CD8B2: variants seen among roughly 807,000 people sequenced by gnomAD.
The protein encoded by CD8B2 is T-cell surface glycoprotein CD8 beta-2 chain.
Under a neutral mutation model 23.7 loss-of-function variants are expected in CD8B2, and 11 were observed. The ratio of observed to expected loss-of-function variants is 0.46; its 90% CI spans 0.29 to 0.77. CD8B2 has a LOEUF of 0.77. Among genes scored for constraint, CD8B2 ranks in the 30% least tolerant of loss-of-function variants. The pLI is 0.09. For synonymous variants in CD8B2, 90 were observed against 109.3 expected (o/e 0.82, Z 1.10); for missense variants, 197 against 270.5 (o/e 0.73, Z 1.91).
chr2:106,500,521 AAAAT>A (rs61641919), intron 3 of CD8B2, among the ~76,000 whole-genome samples: 2,409 of 141,794 alleles, frequency 0.017, 1 homozygote, highest in African/African-American at 0.028. Flanking sequence ...CTCCGTCTCA[AAAAT>A]AAATAAATAA....
At chr2:106,504,496 G>A (rs1337389969) in intron 5 of CD8B2, among the ~76,000 whole-genome samples, 171 bp downstream of exon 5, 1 of 152,254 alleles carries the variant, frequency 6.6e-6, no homozygotes, top group African/African-American at 2.4e-5. Flanking sequence ...TGAAGCAGGA[G>A]GATCACTTGA....
At chr2:106,505,398 C>G (rs1195267945) in intron 5 of CD8B2, among the ~76,000 whole-genome samples, 1 of 152,014 alleles carries the variant, frequency 6.6e-6, no homozygotes, top group East Asian at 1.9e-4. Flanking sequence ...TGACAGCCAG[C>G]AAGTCACTTC....
chr2:106,520,809 G>T (rs887829597), intron 5 of CD8B2, among the ~76,000 whole-genome samples: 3 of 152,146 alleles, frequency 2.0e-5, no homozygotes, highest in African/African-American at 7.2e-5. Flanking sequence ...GGTGGAGGTT[G>T]CAGTGAGCCG....
At chr2:106,517,194 C>T (rs1312763149) in intron 5 of CD8B2, among the ~76,000 whole-genome samples, 1 of 151,950 alleles carries the variant, frequency 6.6e-6, no homozygotes. Context: ...GCTTGCTTCA[C>T]TGATCCTGGG....
intron 5 of CD8B2, among the ~76,000 whole-genome samples, chr2:106,538,599 C>T (rs1363709207): frequency 6.6e-6 from 1 of 152,144 alleles, no homozygotes; most frequent in Non-Finnish European, 1.5e-5. Context: ...GAGCAGTGTC[C>T]TGAGTAGGAA....
At chr2:106,538,662 A>G (rs954006225) in intron 5 of CD8B2, among the ~76,000 whole-genome samples, 1 of 152,096 alleles carries the variant, frequency 6.6e-6, no homozygotes, top group Non-Finnish European at 1.5e-5. Flanking sequence ...GTTCACCTGC[A>G]TGTCACTATC....
At position 106,508,604 on chromosome 2, in the gene CD8B2, T is replaced by C. The variant is rs1231598213; in HGVS notation, c.*1664T>C. ...TGAAGTGAGAAAGCACTCCACATGG[T>C]AGGAGTGGACCCTAAGCAGATAGCC... On this transcript the variant is annotated 3_prime_UTR_variant, in exon 6 of 6. Coordinates refer to ENST00000643224, the MANE Select transcript of CD8B2 (RefSeq NM_001349727.2). The C allele has an allele frequency of 1.3e-5, 2 of 152,216 alleles. No individual in the cohort carries two copies. Among genetic ancestry groups the C allele is most frequent in the East Asian group, 1.9e-4 (1 of 5,192 alleles). The allele number at this position is 152,216 out of a possible 1,614,324, so 9.4% of individuals were successfully genotyped here.
chr2:106,489,305 A>C (rs1253311643), intron 1 of CD8B2, among the ~76,000 whole-genome samples: 9 of 151,692 alleles, frequency 5.9e-5, no homozygotes, highest in African/African-American at 2.2e-4. Flanking sequence ...ACCCGGCCCC[A>C]TCATTTCATT....
At chr2:106,518,908 TCCTCCATC>T (rs952979885) in intron 5 of CD8B2, among the ~76,000 whole-genome samples, 10 of 151,054 alleles carry the variant, frequency 6.6e-5, no homozygotes, top group African/African-American at 2.4e-4. Context: ...TCCCCTAAAC[TCCTCCATC>T]CCTCCATCCC....
chr2:106,497,640 G>A (rs1021251985), intron 3 of CD8B2, among the ~76,000 whole-genome samples: 1 of 152,140 alleles, frequency 6.6e-6, no homozygotes, highest in African/African-American at 2.4e-5. Flanking sequence ...AGAAATTATT[G>A]AGGACAGTAC....
At chr2:106,525,096 C>T (rs1177330105) in intron 5 of CD8B2, among the ~76,000 whole-genome samples, 3 of 152,190 alleles carry the variant, frequency 2.0e-5, no homozygotes, top group Admixed American at 6.5e-5. Flanking sequence ...TTTCTTTGCC[C>T]TCTGGCTCAG....
At chr2:106,500,913 G>A (rs1679393224) in intron 3 of CD8B2, among the ~76,000 whole-genome samples, 2 of 151,952 alleles carry the variant, frequency 1.3e-5, no homozygotes, top group Non-Finnish European at 1.5e-5. Flanking sequence ...ATGAAAATAG[G>A]CCAAAGCTTA....
chr2:106,488,143 T>C (rs540005734), intron 1 of CD8B2, among the ~76,000 whole-genome samples: 49 of 152,100 alleles, frequency 3.2e-4, no homozygotes, highest in Non-Finnish European at 6.8e-4. Flanking sequence ...CCCAAACTTG[T>C]CGATTTGCTC....
intron 5 of CD8B2, among the ~76,000 whole-genome samples, chr2:106,530,401 G>A (rs930322915): frequency 6.6e-6 from 1 of 152,152 alleles, no homozygotes; most frequent in African/African-American, 2.4e-5. Flanking sequence ...TTGTTTTGGA[G>A]ATGGAGTCTC....
At chr2:106,527,636 T>C (rs1207294361) in intron 5 of CD8B2, among the ~76,000 whole-genome samples, 1 of 152,018 alleles carries the variant, frequency 6.6e-6, no homozygotes, top group African/African-American at 2.4e-5. Flanking sequence ...TACAAAAAAA[T>C]TAGCTGGGCG....
chr2:106,496,804 T>C (rs1446382452), intron 3 of CD8B2, among the ~76,000 whole-genome samples: 1 of 151,932 alleles, frequency 6.6e-6, no homozygotes, highest in East Asian at 1.9e-4. Context: ...ATAAGGTTTC[T>C]TTTTAGGGGA....
downstream of CD8B2, among the ~76,000 whole-genome samples, chr2:106,514,367 A>G (rs185694294): frequency 6.7e-5 from 10 of 149,938 alleles, no homozygotes; most frequent in Admixed American, 1.3e-4. Flanking sequence ...AGCTCACTGC[A>G]ACCTCTGCCT....
chr2:106,536,401 C>T (rs182384812), intron 5 of CD8B2, among the ~76,000 whole-genome samples: 1 of 152,192 alleles, frequency 6.6e-6, no homozygotes, highest in East Asian at 1.9e-4. Context: ...GGGAGAAATC[C>T]ACCCTCAAAA....
intron 2 of CD8B2, among the ~76,000 whole-genome samples, chr2:106,492,539 G>A (rs966539550): frequency 2.2e-4 from 33 of 152,186 alleles, no homozygotes; most frequent in African/African-American, 7.2e-4. Flanking sequence ...AGCAGCACCT[G>A]TGGCATATTG....
Sources: allele counts gnomAD v4.1 joint callset (sites outside exome capture counted in the v4.1 genomes callset), GRCh38; gene constraint gnomAD v4.1.1; transcripts MANE v1.5; gene names NCBI Gene and HGNC (gene_info 2026-07-23, HGNC 2026-07-21).